The following IRAK4 variants were observed in gnomAD, a reference collection of about 807,000 sequenced individuals.
The protein encoded by IRAK4 is interleukin-1 receptor-associated kinase 4.
A neutral mutation model predicts 51.8 loss-of-function variants in IRAK4; 44 were observed. That is an observed-to-expected ratio of 0.85 (90% CI 0.67 to 1.09). IRAK4 has a LOEUF of 1.09. Ranked by LOEUF, IRAK4 falls within the 50% of genes least tolerant of loss-of-function variation. The probability of loss-of-function intolerance (pLI) is 0.00; values close to 1 mark genes in which losing one functional copy is unlikely to be tolerated. For synonymous variants in IRAK4, 149 were observed against 174.1 expected (o/e 0.86, Z 1.13); for missense variants, 487 against 538.0 (o/e 0.91, Z 0.94).
chr12:43,776,403 G>C (rs1317711679), intron 6 of IRAK4, among the ~76,000 whole-genome samples: 1 of 152,140 alleles, frequency 6.6e-6, no homozygotes, highest in Non-Finnish European at 1.5e-5. Context: ...GTGCCAGTTT[G>C]GTGGAAAATG....
Position 43,774,180 on chromosome 12 carries a change from T to G in IRAK4, c.716+151T>G. 3 of 661,432 alleles carry G rather than the reference T, an allele frequency of 4.5e-6. No individual in the cohort carries two copies. In the South Asian group the frequency reaches 5.1e-5, roughly 11 times the overall value. The allele number at this position is 661,432 out of a possible 1,614,324, so 41.0% of individuals were successfully genotyped here. On this transcript the variant is annotated intron_variant, in intron 6 of 11. Coordinates refer to ENST00000613694, the MANE Select transcript of IRAK4 (RefSeq NM_016123.4). ...TTTAGATTAGAGAAATTGAAAGTAC[T>G]TTTGGCTCCATAATTCTATGATTAC...
chr12:43,789,302 A>C lies in IRAK4; in HGVS notation c.*2587A>C, dbSNP rs948939629. 3 of 152,086 alleles carry C rather than the reference A, an allele frequency of 2.0e-5. No individual in the cohort carries two copies. Among genetic ancestry groups the C allele is most frequent in the African/African-American group, 7.2e-5 (3 of 41,398 alleles). The allele number at this position is 152,086 out of a possible 1,614,324, so 9.4% of individuals were successfully genotyped here. ...CGTGTGAGATCTGGTGGCTTAAAAG[A>C]GTCTGCTCCCCCTTTGCCTTCCATT... On this transcript the variant is annotated 3_prime_UTR_variant, in exon 12 of 12. Transcript: ENST00000613694.
rs1192121727 is a variant in IRAK4 at position 43,772,089 on chromosome 12, A to T, written c.308-91A>T. ...ATGAGACCAACCTGTAGAAACTGGA[A>T]TGATATTAAATGAACCAAGTTTCTA... On this transcript the variant is annotated intron_variant, in intron 3 of 11. Coordinates refer to ENST00000613694, the MANE Select transcript of IRAK4 (RefSeq NM_016123.4). 2.2e-5 allele frequency: 21 copies of T among 969,332 alleles called. No homozygotes were observed. The East Asian group carries it at 5.2e-4, about 24-fold the overall frequency. 60.0% of individuals were successfully genotyped at this position (969,332 alleles called of 1,614,324 possible).
intron 1 of IRAK4, among the ~76,000 whole-genome samples, chr12:43,767,484 T>G (rs1940279753): frequency 6.6e-6 from 1 of 152,148 alleles, no homozygotes; most frequent in Admixed American, 6.5e-5. Flanking sequence ...GTTGAAGTGG[T>G]GAAGCACAGG....
intron 6 of IRAK4, among the ~76,000 whole-genome samples, chr12:43,776,471 G>C (rs1479801606): frequency 1.3e-5 from 2 of 152,216 alleles, no homozygotes; most frequent in African/African-American, 4.8e-5. Flanking sequence ...AGAAGAAATT[G>C]ATATAATGAA....
intron 9 of IRAK4, among the ~76,000 whole-genome samples, chr12:43,782,745 T>A (rs1003713135): frequency 2.0e-5 from 3 of 152,238 alleles, no homozygotes; most frequent in Non-Finnish European, 2.9e-5. Flanking sequence ...TGACACCTAA[T>A]GCATTAAATG....
At chr12:43,764,935 C>A (rs1939961860) in intron 1 of IRAK4, among the ~76,000 whole-genome samples, 1 of 152,220 alleles carries the variant, frequency 6.6e-6, no homozygotes, top group Admixed American at 6.5e-5. Flanking sequence ...ATCCCAAAAA[C>A]CTGCAGCCAT....
chr12:43,786,264 T>C, intron 10 of IRAK4, 135 bp from the exon 11 acceptor site: 2 of 535,382 alleles, frequency 3.7e-6, no homozygotes, highest in Non-Finnish European at 5.5e-6. Flanking sequence ...CAATTCTTAA[T>C]AAGGTTTTAA....
At chr12:43,772,777 G>A in intron 4 of IRAK4, 135 bp from the exon 5 acceptor site, 1 of 710,272 alleles carries the variant, frequency 1.4e-6, no homozygotes, top group Non-Finnish European at 2.3e-6. Flanking sequence ...TTTAGAAATG[G>A]TTTTATCTTC....
intron 1 of IRAK4, among the ~76,000 whole-genome samples, chr12:43,764,545 C>A (rs987783712): frequency 2.0e-5 from 3 of 152,226 alleles, no homozygotes; most frequent in African/African-American, 7.2e-5. Flanking sequence ...GGGAATTTAA[C>A]CACATCAATG....
rs778147335 is a variant in IRAK4 at position 43,768,281 on chromosome 12, T to A, written c.161+9T>A. 1.3e-5 allele frequency: 21 copies of A among 1,593,252 alleles called. No homozygotes were observed. Among genetic ancestry groups the A allele is most frequent in the Non-Finnish European group, 1.8e-5 (21 of 1,163,094 alleles). On this transcript the variant is annotated intron_variant, in intron 2 of 11. Coordinates refer to ENST00000613694, the MANE Select transcript of IRAK4 (RefSeq NM_016123.4). The stretch of plus-strand genomic sequence containing the variant: ...AATCAGTTTCACATAAGGTAACAGA[T>A]AAAATTCTTTGTATTTTTAAATTCT...
At chr12:43,776,040 C>A (rs1012600685) in intron 6 of IRAK4, among the ~76,000 whole-genome samples, 6 of 151,952 alleles carry the variant, frequency 3.9e-5, no homozygotes, top group African/African-American at 1.5e-4. Context: ...CGTCACCATG[C>A]CCGGCTAATT....
chr12:43,772,183 C>T lies in IRAK4; in HGVS notation c.311C>T (p.Ala104Val), dbSNP rs1940833988. The T allele has an allele frequency of 2.5e-6, 4 of 1,612,044 alleles. No individual in the cohort carries two copies. Among genetic ancestry groups the T allele is most frequent in the Non-Finnish European group, 3.4e-6 (4 of 1,179,004 alleles). Residue 104 changes from alanine to valine, a missense_variant, in exon 4 of 12, where the codon GCT becomes GTT. Coordinates refer to ENST00000613694, the MANE Select transcript of IRAK4 (RefSeq NM_016123.4). ...FAPASLLLPD[A>V]VPKTANTLPS... ...TGTATCTTACTTCATTTGTTAGATG[C>T]TGTTCCCAAAACTGCTAATACACTA...
chr12:43,774,134 A>C, intron 6 of IRAK4, 105 bp downstream of exon 6: 1 of 770,750 alleles, frequency 1.3e-6, no homozygotes, highest in East Asian at 2.6e-5. Flanking sequence ...GTTTGCACAT[A>C]TATGAAATTA....
rs972637885 is a variant in IRAK4 at position 43,773,855 on chromosome 12, T to C, written c.652-110T>C. On this transcript the variant is annotated intron_variant, in intron 5 of 11. Coordinates refer to ENST00000613694, the MANE Select transcript of IRAK4 (RefSeq NM_016123.4). The stretch of plus-strand genomic sequence containing the variant: ...TTATTCTGTAGAATTGGGAGAATAA[T>C]ACACTATTGTTTTAAAGAAAGGGAG... 9.7e-6 allele frequency: 7 copies of C among 722,580 alleles called. 1 individual carries two copies. The highest frequency in any genetic ancestry group is 7.3e-4 in the Middle Eastern group (2 of 2,726). The allele number at this position is 722,580 out of a possible 1,614,324, so 44.8% of individuals were successfully genotyped here. A position where few individuals can be genotyped will look rare whatever the true frequency, so the allele number is the denominator to read the frequency against.
intron 1 of IRAK4, among the ~76,000 whole-genome samples, chr12:43,762,972 A>T (rs948991086): frequency 6.6e-6 from 1 of 152,190 alleles, no homozygotes; most frequent in Non-Finnish European, 1.5e-5. Flanking sequence ...TCTTCACCCT[A>T]TATGCTATTC....
intron 1 of IRAK4, among the ~76,000 whole-genome samples, chr12:43,767,117 TA>T (rs1940232979): frequency 6.6e-6 from 1 of 152,226 alleles, no homozygotes; most frequent in Non-Finnish European, 1.5e-5. Flanking sequence ...ATTGTATTTT[TA>T]AAATATATAT....
intron 9 of IRAK4, among the ~76,000 whole-genome samples, chr12:43,783,189 C>CT (rs1373751832): frequency 1.3e-5 from 2 of 152,070 alleles, no homozygotes; most frequent in Admixed American, 6.6e-5. Flanking sequence ...AGCTCATGTT[C>CT]TTTCCACTTT....
chr12:43,781,870 T>C (rs191137251), intron 8 of IRAK4, among the ~76,000 whole-genome samples: 1 of 152,332 alleles, frequency 6.6e-6, no homozygotes, highest in Non-Finnish European at 1.5e-5. Context: ...AAGAAATTCA[T>C]AATTGAGATA....
Sources: gnomAD v4.1 joint callset for allele counts (sites outside exome capture counted in the v4.1 genomes callset) on GRCh38, gnomAD v4.1.1 for gene constraint, MANE v1.5 for transcripts, NCBI Gene and HGNC (gene_info 2026-07-23, HGNC 2026-07-21) for gene names.